Variants in PCNT observed in about 807,000 individuals in gnomAD.
The protein encoded by PCNT is pericentrin, also known as kendrin.
In PCNT, 319 loss-of-function variants were observed where a neutral mutation model predicts 380.4. The observed-to-expected ratio is 0.84, with a 90% CI of 0.77 to 0.92. The LOEUF is 0.92. Ranked by LOEUF, PCNT falls within the 40% of genes least tolerant of loss-of-function variation. The pLI is 0.00. For synonymous variants in PCNT, 1,845 were observed against 1,735.2 expected (o/e 1.06, Z -1.57); for missense variants, 4,400 against 4,255.3 (o/e 1.03, Z -0.95).
At chr21:46,353,739 T>C (rs965210066) in intron 10 of PCNT, among the ~76,000 whole-genome samples, 1 of 138,564 alleles carries the variant, frequency 7.2e-6, no homozygotes, top group Non-Finnish European at 1.6e-5. Context: ...TGTGTGTGTG[T>C]GTGTGTGTGT....
chr21:46,410,164 G>A (rs959981773), intron 27 of PCNT, among the ~76,000 whole-genome samples: 1 of 152,224 alleles, frequency 6.6e-6, no homozygotes, highest in Non-Finnish European at 1.5e-5. Flanking sequence ...AATGTGCAGC[G>A]GGCATTCCTA....
At chr21:46,433,892 C>T (rs2087866117) in intron 38 of PCNT, among the ~76,000 whole-genome samples, 1 of 152,190 alleles carries the variant, frequency 6.6e-6, no homozygotes, top group Admixed American at 6.5e-5. Flanking sequence ...CTGCCTCAGC[C>T]TCCTGAGTAG....
chr21:46,379,085 G>T (rs2085424046), intron 15 of PCNT, among the ~76,000 whole-genome samples: 1 of 152,228 alleles, frequency 6.6e-6, no homozygotes, highest in Non-Finnish European at 1.5e-5. Flanking sequence ...AGGTCTGCTA[G>T]TGATGAATCC....
At chr21:46,414,894 C>T (rs182960936) in intron 29 of PCNT, among the ~76,000 whole-genome samples, 2 of 152,204 alleles carry the variant, frequency 1.3e-5, no homozygotes, top group East Asian at 1.9e-4. Flanking sequence ...CCACCCTGCT[C>T]TTCCTCCTCC....
intron 3 of PCNT, among the ~76,000 whole-genome samples, chr21:46,340,900 T>G (rs1314217007): frequency 1.3e-5 from 2 of 151,922 alleles, no homozygotes; most frequent in Non-Finnish European, 2.9e-5. Context: ...TCTCGAACTC[T>G]TGAGACGAAG....
chr21:46,442,293 C>T (rs1332309479), intron 43 of PCNT, among the ~76,000 whole-genome samples: 4 of 152,018 alleles, frequency 2.6e-5, no homozygotes, highest in Admixed American at 6.6e-5. Context: ...GGAAGGTCGC[C>T]GCCGCCGGCA....
At chr21:46,427,156 T>A (rs1163985711) in intron 33 of PCNT, among the ~76,000 whole-genome samples, 2 of 152,242 alleles carry the variant, frequency 1.3e-5, no homozygotes, top group African/African-American at 4.8e-5. Flanking sequence ...TGCTGACATT[T>A]TCCTGACCTT....
At chr21:46,418,398 C>T in intron 31 of PCNT, 92 bp downstream of exon 31, 2 of 819,402 alleles carry the variant, frequency 2.4e-6, no homozygotes, top group Admixed American at 2.0e-5. Flanking sequence ...TTGCCTGGTT[C>T]TGCGTCTGCC....
rs185438977 is a variant in PCNT at position 46,403,846 on chromosome 21, A to C, written c.5115+1363A>C. On this transcript the variant is annotated intron_variant, in intron 27 of 46. Coordinates refer to ENST00000359568, the MANE Select transcript of PCNT (RefSeq NM_006031.6). Reference sequence around the variant, plus strand: ...CGGTGAATCAACTCAGCGTGGGAGAATCGTGTATGTGTGGTGCCCACGCGG... The same window carrying C: ...CGGTGAATCAACTCAGCGTGGGAGACTCGTGTATGTGTGGTGCCCACGCGG... Among the ~76,000 whole-genome samples the C allele has an allele frequency of 7.1e-4, 99 of 138,586 alleles. 4 individuals are homozygous for C. The highest frequency in any genetic ancestry group is 2.7e-3 in the African/African-American group (93 of 35,044). 90.9% of individuals were successfully genotyped at this position (138,586 alleles called of 152,430 possible).
chr21:46,431,143 T>C, intron 37 of PCNT: 4 of 1,185,964 alleles, frequency 3.4e-6, no homozygotes, highest in Non-Finnish European at 4.2e-6. Context: ...GAGCCTCTGG[T>C]GGAGTGATTT....
chr21:46,395,134 A>C (rs938348931), intron 21 of PCNT, among the ~76,000 whole-genome samples: 1 of 152,262 alleles, frequency 6.6e-6, no homozygotes, highest in African/African-American at 2.4e-5. Flanking sequence ...CTCGCCGTTA[A>C]CTGCTGACAG....
rs990843484 is a variant in PCNT at position 46,425,690 on chromosome 21, C to T, written c.7180-141C>T. The T allele has an allele frequency of 3.1e-5, 37 of 1,206,952 alleles. No individual in the cohort carries two copies. Among genetic ancestry groups the T allele is most frequent in the African/African-American group, 4.5e-5 (3 of 67,094 alleles). The allele number at this position is 1,206,952 out of a possible 1,614,324, so 74.8% of individuals were successfully genotyped here. A position where few individuals can be genotyped will look rare whatever the true frequency, so the allele number is the denominator to read the frequency against. On this transcript the variant is annotated intron_variant, in intron 32 of 46. Coordinates refer to ENST00000359568, the MANE Select transcript of PCNT (RefSeq NM_006031.6). The surrounding 1 kb of genome is among the most constrained non-coding windows in gnomAD (Gnocchi z 4.2). ...GCTTGAGAAGTGGGTGCCGCCTGTA[C>T]GAAGCCGAGGCGGTGCCCTCCCTCT...
intron 13 of PCNT, among the ~76,000 whole-genome samples, chr21:46,360,579 T>C (rs1322260853): frequency 7.7e-6 from 1 of 129,348 alleles, no homozygotes; most frequent in Admixed American, 8.7e-5. Context: ...AGTGCAGTGG[T>C]GCGATATCCG....
intron 2 of PCNT, among the ~76,000 whole-genome samples, chr21:46,326,900 C>G (rs796662116): frequency 2.5e-4 from 38 of 151,662 alleles, no homozygotes; most frequent in African/African-American, 8.7e-4. Flanking sequence ...GTAATCCCAG[C>G]TACTCGGGAG....
Position 46,346,142 on chromosome 21 carries a change from A to T in PCNT, c.654A>T (p.Glu218Asp). The part of the protein sequence containing the change: ...RGMFTKECEQ[E>D]CELAITDLES... ...TTTTTCCCCAGGAGTGTGAACAAGAATGTGAACTTGCCATTACTGACCTGG... is the reference window on the plus strand; with the variant it reads ...TTTTTCCCCAGGAGTGTGAACAAGATTGTGAACTTGCCATTACTGACCTGG... Residue 218 changes from glutamate (E) to aspartate (D), a missense_variant, in exon 4 of 47, where the codon GAA becomes GAT. By Grantham distance (45) the Glu-to-Asp change is conservative. Transcript: ENST00000359568. 6.2e-7 allele frequency: 1 copy of T among 1,614,188 alleles called. No homozygotes were observed. Among genetic ancestry groups the T allele is most frequent in the East Asian group, 2.2e-5 (1 of 44,884 alleles).
At chr21:46,361,445 A>G (rs931943671) in intron 13 of PCNT, among the ~76,000 whole-genome samples, 6 of 152,234 alleles carry the variant, frequency 3.9e-5, no homozygotes, top group African/African-American at 1.2e-4. Context: ...TTATCAGTAC[A>G]GTCTACTAAG....
At position 46,412,864 on chromosome 21, in the gene PCNT, T is replaced by G; in HGVS notation, c.6022T>G (p.Leu2008Val). The change falls in exon 29 of 47, where the codon TTG becomes GTG. Residue 2008 changes from leucine (L) to valine (V), a missense_variant. Coordinates refer to ENST00000359568, the MANE Select transcript of PCNT (RefSeq NM_006031.6). ...QGDLQPVLVT[L>V]KDAPLCKQEG... The stretch of plus-strand genomic sequence containing the variant: ...TGATCTGCAGCCTGTCCTGGTGACG[T>G]TGAAGGATGCACCTCTCTGCAAGCA... The G allele has an allele frequency of 6.2e-7, 1 of 1,612,656 alleles. No homozygotes were observed. The highest frequency in any genetic ancestry group is 8.5e-7 in the Non-Finnish European group (1 of 1,180,028).
intron 39 of PCNT, among the ~76,000 whole-genome samples, chr21:46,436,421 T>C (rs2053450048): frequency 7.3e-6 from 1 of 136,430 alleles, no homozygotes; most frequent in African/African-American, 2.7e-5. Flanking sequence ...CTCTTTACAC[T>C]CTGTGTAGTT....
In PCNT at chr21:46,381,817, A is replaced by G. The variant is rs1325599202; in HGVS notation, c.3289A>G (p.Lys1097Glu). ...EKESLSLQLQ[K>E]KNHQVQQLKD... ...AGAGTCTTTGTCTCTGCAGCTTCAA[A>G]AGAAGAATCACCAAGTCCAGCAGGT... is the stretch of plus-strand genomic sequence containing the variant. The change falls in exon 16 of 47, where the codon AAG (lysine) becomes GAG (glutamate). Residue 1097 changes from lysine to glutamate, a missense_variant. Coordinates refer to ENST00000359568, the MANE Select transcript of PCNT (RefSeq NM_006031.6). 6.2e-7 allele frequency: 1 copy of G among 1,614,112 alleles called. No individual in the cohort carries two copies. Among genetic ancestry groups the G allele is most frequent in the East Asian group, 2.2e-5 (1 of 44,904 alleles).
Sources: allele counts gnomAD v4.1 joint callset (sites outside exome capture counted in the v4.1 genomes callset), GRCh38; gene constraint gnomAD v4.1.1; non-coding constraint Gnocchi (gnomAD v3.1); transcripts MANE v1.5; gene names NCBI Gene and HGNC (gene_info 2026-07-23, HGNC 2026-07-21).